The following PIK3CD variants were observed in gnomAD, a reference collection of about 807,000 sequenced individuals.
PIK3CD encodes phosphatidylinositol 4,5-bisphosphate 3-kinase catalytic subunit delta isoform.
A neutral mutation model predicts 122.9 loss-of-function variants in PIK3CD; 20 were observed. The observed-to-expected ratio is 0.16, with a 90% CI of 0.11 to 0.24. PIK3CD has a LOEUF of 0.24. Among genes scored for constraint, PIK3CD ranks in the 10% least tolerant of loss-of-function variants. The pLI is 1.00. For missense variants in PIK3CD, 787 were observed against 1,406.3 expected (o/e 0.56, Z 7.04); for synonymous variants, 596 against 593.4 (o/e 1.00, Z -0.06).
At position 9,710,666 on chromosome 1, in the gene PIK3CD, C is replaced by CACAGGT. The variant is rs1647012660; in HGVS notation, c.141+71_141+72insCAGGTA. 6 of 1,304,104 alleles carry CACAGGT rather than the reference C, an allele frequency of 4.6e-6. No homozygotes were observed. The African/African-American group carries it at 9.2e-5, about 20-fold the overall frequency. 80.8% of individuals were successfully genotyped at this position (1,304,104 alleles called of 1,614,324 possible). On this transcript the variant is annotated intron_variant, in intron 3 of 23. Coordinates refer to ENST00000377346, the MANE Select transcript of PIK3CD (RefSeq NM_005026.5). This position sits in a 1 kb window ranked among gnomAD's most constrained non-coding sequence, Gnocchi z 4.7. ...AGAGAGAGAGAGAGACACAGATAGA[C>CACAGGT]AGACAGACAGACAGACAGATGGACA... is the stretch of plus-strand genomic sequence containing the variant.
At chr1:9,636,206 T>G in the PIK3CD span, among the ~76,000 whole-genome samples, 9 of 151,840 alleles carry the variant, frequency 5.9e-5, no homozygotes, top group East Asian at 3.9e-4. Context: ...TGCATTTTTT[T>G]GGGGGGGGAC....
rs1320462181 is a variant in PIK3CD, at chr1:9,689,901, G to T, written c.-137-1566G>T. The stretch of plus-strand genomic sequence containing the variant: ...TTGGGGGGCCGAGGCAGGGGGTTGC[G>T]TTCGCGGTGGGATTCTCAGCTATGG... On this transcript the variant is annotated intron_variant, in intron 1 of 23. Coordinates refer to ENST00000377346, the MANE Select transcript of PIK3CD (RefSeq NM_005026.5). The surrounding 1 kb of genome is among the most constrained non-coding windows in gnomAD (Gnocchi z 6.1). Among the ~76,000 whole-genome samples, 2 of 151,946 alleles carry T rather than the reference G, an allele frequency of 1.3e-5. No homozygotes were observed. Among genetic ancestry groups the T allele is most frequent in the Non-Finnish European group, 2.9e-5 (2 of 67,914 alleles).
chr1:9,692,236 C>T (rs1045144661), intron 2 of PIK3CD, among the ~76,000 whole-genome samples: 1 of 152,162 alleles, frequency 6.6e-6, no homozygotes, highest in Non-Finnish European at 1.5e-5. Flanking sequence ...CCCTTGCAAG[C>T]TCTCTGGGTG....
chr1:9,720,693 A>C lies in PIK3CD; in HGVS notation c.1521+32A>C. 1.3e-6 allele frequency: 2 copies of C among 1,563,146 alleles called. No individual in the cohort carries two copies. The highest frequency in any genetic ancestry group is 1.7e-6 in the Non-Finnish European group (2 of 1,156,824). On this transcript the variant is annotated intron_variant, in intron 12 of 23. Transcript: ENST00000377346. The surrounding 1 kb of genome is among the most constrained non-coding windows in gnomAD (Gnocchi z 9.0). ...GGGGTGGGGGTGTGGGGTGGGGGGC[A>C]TGGAGCCGGCGTGGAACCAGAGCCC...
rs767750196 is a variant in PIK3CD at position 9,715,724 on chromosome 1, G to A, written c.325G>A (p.Val109Met). The A allele has an allele frequency of 7.4e-6, 12 of 1,613,388 alleles. 1 individual carries two copies. The highest frequency in any genetic ancestry group is 1.6e-4 in the Middle Eastern group (1 of 6,084). Reference protein sequence around the residue: ...LRLVAREGDRVKKLINSQISL... With the variant: ...LRLVAREGDRMKKLINSQISL... ...CCTGGTGGCCCGTGAGGGCGACCGC[G>A]TGAAGAAGCTCATCAACTCACAGAT... The change falls in exon 4 of 24, where the codon GTG becomes ATG. Residue 109 changes from valine (V) to methionine (M), a missense_variant. By Grantham distance (21) the Val-to-Met change is conservative. Around this residue, in one of 6 missense-constraint regions of PIK3CD, gnomAD observed 592 missense variants for 920.6 expected, o/e 0.64. Transcript: ENST00000377346. The surrounding 1 kb of genome is among the most constrained non-coding windows in gnomAD (Gnocchi z 4.1).
the PIK3CD span, among the ~76,000 whole-genome samples, chr1:9,638,260 A>G: frequency 6.6e-6 from 1 of 152,114 alleles, no homozygotes; most frequent in African/African-American, 2.4e-5. Flanking sequence ...ACTCACAGGC[A>G]ACCGCCCAGA....
At chr1:9,654,786 G>A (rs956909441) in intron 1 of PIK3CD, among the ~76,000 whole-genome samples, 3 of 152,096 alleles carry the variant, frequency 2.0e-5, no homozygotes, top group Non-Finnish European at 2.9e-5. Flanking sequence ...CAGGCTGGGC[G>A]CGGTGGCTCA....
rs369950232 is a variant in PIK3CD, at chr1:9,721,233, C to T, written c.1796C>T (p.Ser599Leu). 9.3e-6 allele frequency: 15 copies of T among 1,613,274 alleles called. No individual in the cohort carries two copies. The highest frequency in any genetic ancestry group is 2.7e-5 in the African/African-American group (2 of 74,920). ...DCHVGSFAIK[S>L]LRKLTDDELF... ...CACGTAGGCTCCTTCGCCATCAAGTCGCTGCGGAAACTGACGTGAGTCCCA... is the reference window on the plus strand; with the variant it reads ...CACGTAGGCTCCTTCGCCATCAAGTTGCTGCGGAAACTGACGTGAGTCCCA... The change falls in exon 14 of 24, where the codon TCG (serine) becomes TTG (leucine). Residue 599 changes from serine (S) to leucine (L), a missense_variant. Coordinates refer to ENST00000377346, the MANE Select transcript of PIK3CD (RefSeq NM_005026.5).
chr1:9,667,855 G>A (rs1005458987), intron 1 of PIK3CD, among the ~76,000 whole-genome samples: 1 of 143,980 alleles, frequency 6.9e-6, no homozygotes, highest in African/African-American at 2.6e-5. Context: ...TCCCACCTTA[G>A]CCTCCCAAGT....
chr1:9,693,450 C>T (rs1261198418), intron 2 of PIK3CD, among the ~76,000 whole-genome samples: 2 of 151,554 alleles, frequency 1.3e-5, no homozygotes, highest in Non-Finnish European at 2.9e-5. Flanking sequence ...CCAGGCTGGT[C>T]TCGAACTCCT....
At chr1:9,650,413 T>C (rs1369301563), upstream of PIK3CD, among the ~76,000 whole-genome samples, 1 of 149,912 alleles carries the variant, frequency 6.7e-6, no homozygotes, top group African/African-American at 2.5e-5. Context: ...CAGAACAAGA[T>C]TCCTCAAAAT....
chr1:9,645,849 A>G, the PIK3CD span, among the ~76,000 whole-genome samples: 1 of 152,042 alleles, frequency 6.6e-6, no homozygotes, highest in Non-Finnish European at 1.5e-5. Flanking sequence ...CAGGTGATCC[A>G]CCTGCCTAGG....
rs149279787 is a variant in PIK3CD, at chr1:9,717,075, G to A, written c.897G>A (p.Pro299=). ...QSNPAPQVQK[P]RAKPPPIPAK... is the part of the protein sequence containing the mutation. ...ACCCTGCCCCCCAGGTCCAGAAACCGCGTGCCAAACCACCTCCCATTCCTG... is the reference window on the plus strand; with the variant it reads ...ACCCTGCCCCCCAGGTCCAGAAACCACGTGCCAAACCACCTCCCATTCCTG... The change falls in exon 7 of 24, where the codon CCG becomes CCA. Residue 299 remains proline, a synonymous_variant. Transcript: ENST00000377346. The surrounding 1 kb of genome is among the most constrained non-coding windows in gnomAD (Gnocchi z 5.4). 4.0e-5 allele frequency: 65 copies of A among 1,613,972 alleles called. No individual in the cohort carries two copies. The African/African-American group carries it at 5.2e-4, about 13-fold the overall frequency.
At chr1:9,725,256 CTAAAAGA>C (rs1300921499) in intron 23 of PIK3CD, among the ~76,000 whole-genome samples, 2 of 152,198 alleles carry the variant, frequency 1.3e-5, no homozygotes, top group Non-Finnish European at 2.9e-5. Context: ...CCTCTGCCTT[CTAAAAGA>C]TATTTTTTGG....
intron 1 of PIK3CD, chr1:9,654,581 A>C (rs1644786998): frequency 2.5e-6 from 1 of 402,108 alleles, no homozygotes; most frequent in Non-Finnish European, 4.7e-6. Flanking sequence ...GTTTTACTTA[A>C]ATTGCACAGT....
intron 2 of PIK3CD, among the ~76,000 whole-genome samples, chr1:9,708,248 A>G (rs958563301): frequency 1.3e-5 from 2 of 148,600 alleles, no homozygotes; most frequent in African/African-American, 2.5e-5. Flanking sequence ...CAGTGGCGCA[A>G]TCTGCTCACT....
chr1:9,691,704 A>G (rs1570252098), intron 2 of PIK3CD, 133 bp downstream of exon 2: 1 of 392,236 alleles, frequency 2.5e-6, no homozygotes, highest in East Asian at 3.6e-5. Context: ...TAGGACTAGC[A>G]CACCCAGAGG....
At chr1:9,662,900 G>A (rs1645049337) in intron 1 of PIK3CD, among the ~76,000 whole-genome samples, 1 of 152,066 alleles carries the variant, frequency 6.6e-6, no homozygotes, top group Admixed American at 6.6e-5. Context: ...TGTTGGCCAG[G>A]CTGATCTCGA....
In PIK3CD at chr1:9,722,305, G is replaced by A. The variant is rs745896452; in HGVS notation, c.2296G>A (p.Glu766Lys). The A allele has an allele frequency of 1.6e-5, 26 of 1,613,598 alleles. No individual in the cohort carries two copies. The highest frequency in any genetic ancestry group is 8.8e-5 in the South Asian group (8 of 91,056). The part of the protein sequence containing the change: ...MKPLWIMYSN[E>K]EAGSGGSVGI... ...GCCCCTGTGGATCATGTACAGCAAC[G>A]AGGAGGCAGGCAGCGGCGGCAGCGT... is the stretch of plus-strand genomic sequence containing the variant. The change falls in exon 18 of 24, where the codon GAG becomes AAG. Residue 766 changes from glutamate (E) to lysine (K), a missense_variant. By Grantham distance (56) the Glu-to-Lys change is moderately conservative (BLOSUM62 1). Transcript: ENST00000377346. The surrounding 1 kb of genome is among the most constrained non-coding windows in gnomAD (Gnocchi z 7.6).
Sources: gnomAD v4.1 joint callset for allele counts (sites outside exome capture counted in the v4.1 genomes callset) on GRCh38, gnomAD v4.1.1 for gene constraint, gnomAD v4.1.1 regional missense constraint, Gnocchi (gnomAD v3.1) non-coding constraint, MANE v1.5 for transcripts, NCBI Gene and HGNC (gene_info 2026-07-23, HGNC 2026-07-21) for gene names.